Variants in PDE3A observed in about 807,000 individuals in gnomAD.
The protein encoded by PDE3A is cGMP-inhibited 3',5'-cyclic phosphodiesterase 3A.
Under a neutral mutation model 98.3 loss-of-function variants are expected in PDE3A, and 43 were observed. The ratio of observed to expected loss-of-function variants is 0.44; its 90% CI spans 0.34 to 0.56. PDE3A has a LOEUF of 0.56. Among genes scored for constraint, PDE3A ranks in the 20% least tolerant of loss-of-function variants. The probability of loss-of-function intolerance (pLI) is 0.01; values close to 1 mark genes in which losing one functional copy is unlikely to be tolerated. For missense variants in PDE3A, 1,427 were observed against 1,440.7 expected (o/e 0.99, Z 0.15); for synonymous variants, 663 against 567.9 (o/e 1.17, Z -2.38).
intron 15 of PDE3A, among the ~76,000 whole-genome samples, chr12:20,676,498 CT>C (rs60887487): frequency 0.27 from 29,569 of 108,228 alleles, 2,963 homozygotes; most frequent in Admixed American, 0.39. Flanking sequence ...ATGTCTTTGA[CT>C]TTTTTTTTTT....
intron 15 of PDE3A, among the ~76,000 whole-genome samples, chr12:20,675,189 A>AT (rs112946565): frequency 0.025 from 3,792 of 151,682 alleles, 138 homozygotes; most frequent in African/African-American, 0.085. Context: ...ATTCAGAGAC[A>AT]TTTTTTTTAA....
chr12:20,568,399 A>G (rs898012093), intron 2 of PDE3A, among the ~76,000 whole-genome samples: 2 of 152,006 alleles, frequency 1.3e-5, no homozygotes, highest in Non-Finnish European at 2.9e-5. Flanking sequence ...TATGGCTTCT[A>G]AATATTTAAA....
chr12:20,460,841 A>G (rs564464976), intron 1 of PDE3A, among the ~76,000 whole-genome samples: 154 of 152,216 alleles, frequency 1.0e-3, no homozygotes, highest in Non-Finnish European at 1.3e-3. Flanking sequence ...TTCATGGCTC[A>G]CTACTGCCAT....
chr12:20,537,407 A>G (rs1206027717), intron 1 of PDE3A, among the ~76,000 whole-genome samples: 3 of 152,114 alleles, frequency 2.0e-5, no homozygotes, highest in Admixed American at 2.0e-4. Flanking sequence ...TTATTTTTAA[A>G]ACAAAATCTG....
intron 2 of PDE3A, among the ~76,000 whole-genome samples, chr12:20,558,497 C>T (rs964437954): frequency 6.6e-6 from 1 of 151,690 alleles, no homozygotes; most frequent in African/African-American, 2.4e-5. Flanking sequence ...ACCTTTGTCC[C>T]ATTTTGATTC....
chr12:20,499,391 G>A (rs1003111360), intron 1 of PDE3A, among the ~76,000 whole-genome samples: 4 of 152,100 alleles, frequency 2.6e-5, no homozygotes, highest in African/African-American at 4.8e-5. Flanking sequence ...TAAGGATGCC[G>A]ATTACAATTT....
At chr12:20,451,453 T>C (rs2120887947) in intron 1 of PDE3A, among the ~76,000 whole-genome samples, 1 of 152,236 alleles carries the variant, frequency 6.6e-6, no homozygotes, top group East Asian at 1.9e-4. Context: ...TTTGTATCTT[T>C]AGTAGAGACA....
At chr12:20,604,186 AAAAGG>A (rs1592101846) in intron 2 of PDE3A, among the ~76,000 whole-genome samples, 1 of 151,682 alleles carries the variant, frequency 6.6e-6, no homozygotes, top group Non-Finnish European at 1.5e-5. Flanking sequence ...AAGAAAATAA[AAAAGG>A]AAAGGAGAGG....
chr12:20,654,660 CTTTTTTTTTTT>C (rs71442265), intron 15 of PDE3A, among the ~76,000 whole-genome samples: 2 of 85,856 alleles, frequency 2.3e-5, no homozygotes, highest in Non-Finnish European at 4.3e-5. Context: ...CTACACCCGG[CTTTTTTTTTTT>C]TTTTTTTTTT....
At position 20,613,492 on chromosome 12, in the gene PDE3A, A is replaced by G. The variant is rs1431791947; in HGVS notation, c.1061A>G (p.His354Arg). The change falls in exon 3 of 16, where the codon CAC (histidine) becomes CGC (arginine). Residue 354 changes from histidine to arginine, a missense_variant. His to Arg is a conservative substitution (Grantham distance 29). Transcript: ENST00000359062. ...GACATCGCCGTCATGGGCGAGGCCC[A>G]CGGCCTCATTACCGACCTCCTGGCA... ...TVDIAVMGEA[H>R]GLITDLLADP... 2 of 1,613,648 alleles carry G rather than the reference A, an allele frequency of 1.2e-6. No individual in the cohort carries two copies. The highest frequency in any genetic ancestry group is 2.2e-5 in the South Asian group (2 of 91,072).
At chr12:20,412,456 A>G (rs1443701065) in intron 1 of PDE3A, among the ~76,000 whole-genome samples, 22 of 152,096 alleles carry the variant, frequency 1.4e-4, no homozygotes, top group Admixed American at 1.4e-3. Flanking sequence ...TTTTTGATTT[A>G]ATCTATATTT....
intron 15 of PDE3A, among the ~76,000 whole-genome samples, chr12:20,679,409 G>A (rs575306104): frequency 9.9e-4 from 150 of 152,022 alleles, no homozygotes; most frequent in African/African-American, 3.4e-3. Context: ...CACCACGCCT[G>A]GTTAATTTTT....
chr12:20,555,661 A>G (rs983831204), intron 1 of PDE3A, among the ~76,000 whole-genome samples: 6 of 152,206 alleles, frequency 3.9e-5, no homozygotes, highest in African/African-American at 1.4e-4. Context: ...CCTGAAATCT[A>G]GTTAAATTTG....
Position 20,439,249 on chromosome 12 carries a change from G to T in PDE3A, c.960+69005G>T, listed in dbSNP as rs374424362. 5.9e-5 allele frequency among the ~76,000 whole-genome samples: 9 copies of T among 152,218 alleles called. No homozygotes were observed. The East Asian group carries it at 1.4e-3, about 23-fold the overall frequency. On this transcript the variant is annotated intron_variant, in intron 1 of 15. Coordinates refer to ENST00000359062, the MANE Select transcript of PDE3A (RefSeq NM_000921.5). ...CAAGAAAAGAGATAAGAGCAGAAAG[G>T]TTCACTTTTTGAAGAGAACAAGACT...
At chr12:20,612,425 T>C (rs1302405133) in intron 2 of PDE3A, among the ~76,000 whole-genome samples, 2 of 151,396 alleles carry the variant, frequency 1.3e-5, no homozygotes, top group Admixed American at 6.6e-5. Context: ...TATTTTCTTA[T>C]GTAGAAGTTT....
intron 1 of PDE3A, among the ~76,000 whole-genome samples, chr12:20,539,117 T>G (rs1274924891): frequency 6.6e-6 from 1 of 152,112 alleles, no homozygotes; most frequent in South Asian, 2.1e-4. Flanking sequence ...CAAGTACCGG[T>G]TGAGAATCCC....
At chr12:20,532,477 G>A (rs1941629105) in intron 1 of PDE3A, among the ~76,000 whole-genome samples, 1 of 152,076 alleles carries the variant, frequency 6.6e-6, no homozygotes, top group Non-Finnish European at 1.5e-5. Flanking sequence ...TATGGTATAT[G>A]GAACTGAAAG....
At chr12:20,579,424 T>G (rs1943014934) in intron 2 of PDE3A, among the ~76,000 whole-genome samples, 1 of 151,954 alleles carries the variant, frequency 6.6e-6, no homozygotes, top group Admixed American at 6.6e-5. Flanking sequence ...TGCAAACAAA[T>G]CTAGTCTTTT....
At chr12:20,515,512 T>C (rs1359023590) in intron 1 of PDE3A, among the ~76,000 whole-genome samples, 1 of 152,132 alleles carries the variant, frequency 6.6e-6, no homozygotes, top group African/African-American at 2.4e-5. Context: ...GTGTGTTAGA[T>C]AACCACAGAT....
Sources: gnomAD v4.1 joint callset for allele counts (sites outside exome capture counted in the v4.1 genomes callset) on GRCh38, gnomAD v4.1.1 for gene constraint, MANE v1.5 for transcripts, NCBI Gene and HGNC (gene_info 2026-07-23, HGNC 2026-07-21) for gene names.